The following PTPN22 variants were observed in gnomAD, a reference collection of about 807,000 sequenced individuals.
PTPN22 encodes tyrosine-protein phosphatase non-receptor type 22.
A neutral mutation model predicts 103.3 loss-of-function variants in PTPN22; 85 were observed. That is an observed-to-expected ratio of 0.82 (90% confidence interval 0.69 to 0.99). PTPN22 has a LOEUF of 0.99. Among genes scored for constraint, PTPN22 ranks in the 50% least tolerant of loss-of-function variants. The pLI is 0.00. For missense variants in PTPN22, 865 were observed against 936.9 expected, an observed-to-expected ratio of 0.92 and a Z score of 1.00; for synonymous variants, 323 against 310.2, an observed-to-expected ratio of 1.04 and a Z score of -0.43.
intron 11 of PTPN22, among the ~76,000 whole-genome samples, chr1:113,841,379 A>G (rs903559610): frequency 1.3e-5 from 2 of 152,168 alleles, no homozygotes; most frequent in Admixed American, 6.6e-5. Context: ...TTTGGCAACG[A>G]TTTCTTGGAT....
intron 1 of PTPN22, among the ~76,000 whole-genome samples, chr1:113,868,133 A>C (rs918469489): frequency 1.5e-4 from 23 of 151,998 alleles, no homozygotes; most frequent in African/African-American, 5.6e-4. Flanking sequence ...GGTTGAATCC[A>C]AGGATGTAGA....
intron 11 of PTPN22, among the ~76,000 whole-genome samples, chr1:113,839,431 C>A (rs1373085898): frequency 1.3e-5 from 2 of 151,486 alleles, no homozygotes; most frequent in African/African-American, 4.9e-5. Flanking sequence ...ATTCTGTTAC[C>A]CAGGCTGGAG....
rs779505172 is a variant in PTPN22, at chr1:113,858,458, A to G, written c.369+20T>C. ...TTAATAAAGTAGAGAATAAAGTAAC[A>G]AAAGCAACACCATACTTACAAGGAC... On this transcript the variant is annotated intron_variant, in intron 4 of 20. Transcript: ENST00000359785. 3 of 1,520,182 alleles carry G rather than the reference A, an allele frequency of 2.0e-6. No homozygotes were observed. The African/African-American group carries it at 4.2e-5, about 21-fold the overall frequency. The allele number at this position is 1,520,182 out of a possible 1,614,324, so 94.2% of individuals were successfully genotyped here. A position where few individuals can be genotyped will look rare whatever the true frequency, so the allele number is the denominator to read the frequency against.
intron 18 of PTPN22, among the ~76,000 whole-genome samples, chr1:113,826,636 C>A (rs943469597): frequency 4.0e-5 from 6 of 148,516 alleles, no homozygotes; most frequent in Non-Finnish European, 7.5e-5. Context: ...CTTCCTTCCT[C>A]TACTTTTATG....
intron 19 of PTPN22, chr1:113,823,185 A>G (rs990533915): frequency 1.3e-5 from 2 of 152,254 alleles, no homozygotes; most frequent in African/African-American, 4.8e-5. Context: ...TCTGTTCACC[A>G]TCATATACCA....
At position 113,859,307 on chromosome 1, in the gene PTPN22, G is replaced by A. The variant is rs750993387; in HGVS notation, c.196+45C>T. The A allele has an allele frequency of 3.2e-6, 5 of 1,571,690 alleles. No individual in the cohort carries two copies. In the East Asian group the frequency reaches 1.1e-4, roughly 35 times the overall value. Reference sequence around the variant, plus strand: ...TGGGTACAAAGAGATAGTAATGATTGAATTTGGGAGAAAGTATGAGTTTAT... The same window carrying A: ...TGGGTACAAAGAGATAGTAATGATTAAATTTGGGAGAAAGTATGAGTTTAT... On this transcript the variant is annotated intron_variant, in intron 2 of 20. Transcript: ENST00000359785.
intron 20 of PTPN22, among the ~76,000 whole-genome samples, chr1:113,816,309 CA>C (rs978291598): frequency 1.3e-5 from 2 of 150,264 alleles, no homozygotes; most frequent in East Asian, 4.0e-4. Context: ...CTTGTCTCTA[CA>C]AAAAAACACA....
At chr1:113,860,499 A>G (rs911595618) in intron 1 of PTPN22, among the ~76,000 whole-genome samples, 2 of 152,160 alleles carry the variant, frequency 1.3e-5, no homozygotes, top group Non-Finnish European at 2.9e-5. Flanking sequence ...ACTGGATTTG[A>G]GAGGAGAGAT....
chr1:113,828,880 C>T (rs1662307835), intron 18 of PTPN22, among the ~76,000 whole-genome samples: 1 of 152,222 alleles, frequency 6.6e-6, no homozygotes, highest in African/African-American at 2.4e-5. Context: ...AAGTGATCTG[C>T]CCGCCTTGGC....
At chr1:113,841,027 C>T (rs1663497906) in intron 11 of PTPN22, among the ~76,000 whole-genome samples, 1 of 151,988 alleles carries the variant, frequency 6.6e-6, no homozygotes, top group South Asian at 2.1e-4. Context: ...GAGTTTGAGA[C>T]CAGCCTGACC....
At chr1:113,818,355 G>C (rs1661327363) in intron 20 of PTPN22, among the ~76,000 whole-genome samples, 3 of 151,870 alleles carry the variant, frequency 2.0e-5, no homozygotes, top group African/African-American at 7.3e-5. Flanking sequence ...AGTAGAGACA[G>C]GGTTTCACCA....
exon 13 of PTPN22, chr1:113,838,205 T>C: frequency 6.2e-7 from 1 of 1,614,124 alleles, no homozygotes; most frequent in Non-Finnish European, 8.5e-7. Flanking sequence ...AATGCCTTTG[T>C]CTGCCATTTC....
rs1662375963 is a variant in PTPN22 at position 113,829,615 on chromosome 1, C to A, written c.2227G>T (p.Gly743Ter). 6.3e-7 allele frequency: 1 copy of A among 1,598,738 alleles called. No individual in the cohort carries two copies. The highest frequency in any genetic ancestry group is 1.1e-5 in the South Asian group (1 of 89,836). The change falls in exon 18 of 21, where the codon GGA becomes TGA. Residue 743 changes from glycine (G) to a stop codon, truncating the protein, a stop_gained. Coordinates refer to ENST00000359785, the Ensembl canonical transcript of PTPN22. LOFTEE classifies it high-confidence loss of function. ...ACCTTACTCCTTGTGAAACTTTTTC[C>A]AGGAGTCTTCAGTGTCTGTTTTGAA... is the stretch of plus-strand genomic sequence containing the variant.
At chr1:113,822,765 T>C (rs1379431958) in intron 19 of PTPN22, among the ~76,000 whole-genome samples, 5 of 152,074 alleles carry the variant, frequency 3.3e-5, no homozygotes, top group Admixed American at 3.3e-4. Flanking sequence ...ATCAAGACCA[T>C]CCTGGCCAAC....
chr1:113,839,985 G>A (rs1192488086), intron 11 of PTPN22, among the ~76,000 whole-genome samples: 1 of 152,112 alleles, frequency 6.6e-6, no homozygotes, highest in African/African-American at 2.4e-5. Context: ...GCCAAGGTGA[G>A]TGGATCCCTT....
chr1:113,857,901 C>A, intron 4 of PTPN22, 125 bp from the exon 5 acceptor site: 1 of 801,316 alleles, frequency 1.2e-6, no homozygotes, highest in Non-Finnish European at 2.0e-6. Context: ...TTTTTTTAAC[C>A]AAAAAATAAA....
chr1:113,864,480 G>C (rs1665938268), intron 1 of PTPN22: 1 of 301,434 alleles, frequency 3.3e-6, no homozygotes, highest in South Asian at 2.6e-5. Context: ...AGAATTATTA[G>C]TCGGGCATGG....
chr1:113,844,426 C>T (rs1404067591), intron 11 of PTPN22, among the ~76,000 whole-genome samples: 1 of 152,152 alleles, frequency 6.6e-6, no homozygotes, highest in Non-Finnish European at 1.5e-5. Context: ...TGCACTCCAG[C>T]CTGGGTGATA....
At chr1:113,835,060 T>G (rs1662865252) in intron 13 of PTPN22, 67 bp from the exon 14 acceptor site, 2 of 835,978 alleles carry the variant, frequency 2.4e-6, no homozygotes, top group Admixed American at 6.7e-5. Flanking sequence ...ATTCTTATAT[T>G]CTAATATTAA....
Sources: allele counts gnomAD v4.1 joint callset (sites outside exome capture counted in the v4.1 genomes callset), GRCh38; gene constraint gnomAD v4.1.1; transcripts MANE v1.5; gene names NCBI Gene and HGNC (gene_info 2026-07-23, HGNC 2026-07-21).